Variants in ARAF observed in about 807,000 individuals in gnomAD.
ARAF encodes serine/threonine-protein kinase A-Raf.
Under a neutral mutation model 48.0 loss-of-function variants are expected in ARAF, and 18 were observed. The ratio of observed to expected loss-of-function variants is 0.37; its 90% CI spans 0.26 to 0.56. The LOEUF (loss-of-function observed/expected upper bound fraction) is 0.56, where lower values mean the gene tolerates loss of function less well. Among genes scored for constraint, ARAF ranks in the 20% least tolerant of loss-of-function variants. ARAF has a pLI of 0.77. For synonymous variants in ARAF, 207 were observed against 220.1 expected (o/e 0.94, Z 0.53); for missense variants, 389 against 543.1 (o/e 0.72, Z 2.82).
At position 47,563,342 on chromosome X, in the gene ARAF, G is replaced by T. The variant is rs1366670322; in HGVS notation, c.200+13G>T. 1 of 1,167,606 alleles carries T rather than the reference G, an allele frequency of 8.6e-7. No homozygotes were observed. The highest frequency in any genetic ancestry group is 1.8e-5 in the African/African-American group (1 of 56,387). On this transcript the variant is annotated intron_variant, in intron 3 of 15. Coordinates refer to ENST00000377045, the MANE Select transcript of ARAF (RefSeq NM_001654.5). ...GACTCATCAAGGGGTGAGTGTGGCA[G>T]CCCCACGCCCACCCACTGGGTGTCC...
chrX:47,567,894 A>G (rs1343493516), intron 10 of ARAF, among the ~76,000 whole-genome samples: 1 of 111,627 alleles, frequency 9.0e-6, no homozygotes, highest in Non-Finnish European at 1.9e-5. Flanking sequence ...CTTAATTATT[A>G]TAATTGCTGT....
In ARAF at chrX:47,566,699, C is replaced by T. The variant is rs149635355; in HGVS notation, c.618C>T (p.Pro206=). 9.2e-6 allele frequency: 11 copies of T among 1,201,325 alleles called. No individual in the cohort carries two copies. In the African/African-American group the frequency reaches 1.4e-4, roughly 15 times the overall value. Reference sequence around the variant, plus strand: ...CCTTCCCTGCCCCAGCCAATGCCCCCCTACAGCGCATCCGCTCCACGTCCA... The same window carrying T: ...CCTTCCCTGCCCCAGCCAATGCCCCTCTACAGCGCATCCGCTCCACGTCCA... The part of the protein sequence containing the change: ...HFPFPAPANA[P]LQRIRSTSTP... The change falls in exon 7 of 16, where the codon CCC becomes CCT. Residue 206 remains proline (P), a synonymous_variant. Coordinates refer to ENST00000377045, the MANE Select transcript of ARAF (RefSeq NM_001654.5).
Position 47,571,531 on chromosome X carries a change from T to C in ARAF, c.*74T>C. ...AGCCTTGCCCACCAGCCAATCAATGTTCGTCTCTGCCCTGATGCTGCCTCA... is the reference window on the plus strand; with the variant it reads ...AGCCTTGCCCACCAGCCAATCAATGCTCGTCTCTGCCCTGATGCTGCCTCA... On this transcript the variant is annotated 3_prime_UTR_variant, in exon 16 of 16. Coordinates refer to ENST00000377045, the MANE Select transcript of ARAF (RefSeq NM_001654.5). The C allele has an allele frequency of 8.9e-7, 1 of 1,128,596 alleles. No individual in the cohort carries two copies. Among genetic ancestry groups the C allele is most frequent in the Non-Finnish European group, 1.2e-6 (1 of 850,625 alleles). The allele number at this position is 1,128,596 out of a possible 1,213,427, so 93.0% of individuals were successfully genotyped here.
rs1222968497 is a variant in ARAF at position 47,566,946 on chromosome X, G to C, written c.727+35G>C. The C allele has an allele frequency of 2.5e-6, 3 of 1,209,403 alleles. No individual in the cohort carries two copies. The East Asian group carries it at 8.9e-5, about 36-fold the overall frequency. On this transcript the variant is annotated intron_variant, in intron 8 of 15. Transcript: ENST00000377045. ...CTGTGCCTGCACCCTGACCCCCGCTGCCCCACTTACCTCCACTCACATCCT... is the reference window on the plus strand; with the variant it reads ...CTGTGCCTGCACCCTGACCCCCGCTCCCCCACTTACCTCCACTCACATCCT...
intron 6 of ARAF, chrX:47,565,572 A>G: frequency 2.0e-6 from 1 of 489,507 alleles, no homozygotes; most frequent in Non-Finnish European, 3.1e-6. Context: ...TTTCTACCAT[A>G]TAAAGGTTCT....
Position 47,566,613 on chromosome X carries a change from T to C in ARAF, c.558-26T>C, listed in dbSNP as rs762815942. On this transcript the variant is annotated intron_variant, in intron 6 of 15. Coordinates refer to ENST00000377045, the MANE Select transcript of ARAF (RefSeq NM_001654.5). ...TTCTCGGTTCTCTGATTCCTGGCAG[T>C]GATTTCACAGCCTTTCCCCTGGCAG... 7.7e-5 allele frequency: 88 copies of C among 1,137,187 alleles called. No individual in the cohort carries two copies. The Admixed American group carries it at 2.5e-3, about 33-fold the overall frequency. 93.7% of individuals were successfully genotyped at this position (1,137,187 alleles called of 1,213,427 possible). A position where few individuals can be genotyped will look rare whatever the true frequency, so the allele number is the denominator to read the frequency against.
intron 1 of ARAF, among the ~76,000 whole-genome samples, 190 bp downstream of exon 1, chrX:47,561,441 G>C (rs2057707524): frequency 8.9e-6 from 1 of 112,279 alleles, no homozygotes; most frequent in African/African-American, 3.2e-5. Context: ...AACAGGAATA[G>C]GCGGGCAAGG....
chrX:47,567,575 G>T, intron 10 of ARAF, 143 bp downstream of exon 10: 1 of 660,707 alleles, frequency 1.5e-6, no homozygotes, highest in East Asian at 3.5e-5. Context: ...CTCTCTGAAG[G>T]GTGTCCCTTT....
At chrX:47,565,171 G>T (rs2147904209) in intron 5 of ARAF, 32 bp downstream of exon 5, 1 of 1,209,320 alleles carries the variant, frequency 8.3e-7, no homozygotes, top group Non-Finnish European at 1.1e-6. Flanking sequence ...TGGGGGGATG[G>T]GGAGCACAGA....
Position 47,571,628 on chromosome X carries a change from G to A in ARAF, c.*171G>A, listed in dbSNP as rs1187057602. 17 of 708,185 alleles carry A rather than the reference G, an allele frequency of 2.4e-5. No homozygotes were observed. The highest frequency in any genetic ancestry group is 3.2e-5 in the Non-Finnish European group (16 of 506,614). 58.4% of individuals were successfully genotyped at this position (708,185 alleles called of 1,213,427 possible). ...TTTTCCAGTTCTTCTGGAATTGGGG[G>A]ACCCCCGCCAAAGACTGAGCCCCCT... On this transcript the variant is annotated 3_prime_UTR_variant, in exon 16 of 16. Coordinates refer to ENST00000377045, the MANE Select transcript of ARAF (RefSeq NM_001654.5).
intron 3 of ARAF, among the ~76,000 whole-genome samples, chrX:47,563,690 A>T (rs1331986932): frequency 8.9e-6 from 1 of 112,501 alleles, no homozygotes; most frequent in Non-Finnish European, 1.9e-5. Context: ...ACAATTCCAA[A>T]GATGGAAGAT....
intron 12 of ARAF, 64 bp from the exon 13 acceptor site, chrX:47,569,475 C>T: frequency 1.0e-6 from 1 of 983,433 alleles, no homozygotes; most frequent in Non-Finnish European, 1.4e-6. Flanking sequence ...CCAATGGGAA[C>T]CTCCCAGGCA....
rs2057759773 is a variant in ARAF at position 47,571,793 on chromosome X, C to A, written c.*336C>A. The A allele has an allele frequency of 4.2e-6, 1 of 240,868 alleles. No homozygotes were observed. The highest frequency in any genetic ancestry group is 6.9e-5 in the Admixed American group (1 of 14,549). 19.9% of individuals were successfully genotyped at this position (240,868 alleles called of 1,213,427 possible). The stretch of plus-strand genomic sequence containing the variant: ...GAATTTGTGCCTGATGTGCCTTCCA[C>A]TGGATTTTGGGGTTCCCAGCACCCC... On this transcript the variant is annotated 3_prime_UTR_variant, in exon 16 of 16. Transcript: ENST00000377045.
intron 15 of ARAF, 112 bp from the exon 16 acceptor site, chrX:47,571,211 G>A: frequency 1.2e-6 from 1 of 831,638 alleles, no homozygotes; most frequent in Non-Finnish European, 1.6e-6. Context: ...TGGGACTGTT[G>A]GGTGTGTGTG....
At chrX:47,569,872 G>T (rs1031173338) in intron 13 of ARAF, 21 bp from the exon 14 acceptor site, 3 of 1,199,547 alleles carry the variant, frequency 2.5e-6, no homozygotes, top group Admixed American at 4.5e-5. Context: ...TGGTCCCCCT[G>T]CCTGGTCTGG....
At chrX:47,565,541 G>A in intron 6 of ARAF, 191 bp downstream of exon 6, 1 of 642,396 alleles carries the variant, frequency 1.6e-6, no homozygotes, top group Non-Finnish European at 2.2e-6. Context: ...TTTCTCATCT[G>A]TAAAGAGGGG....
In ARAF at chrX:47,571,566, A is replaced by G. The variant is rs1177749137; in HGVS notation, c.*109A>G. On this transcript the variant is annotated 3_prime_UTR_variant, in exon 16 of 16. Coordinates refer to ENST00000377045, the MANE Select transcript of ARAF (RefSeq NM_001654.5). ...CCCTGATGCTGCCTCAGGATCCCCC[A>G]TTCCCCACCCTGGGAGATGAGGGGG... 1 of 1,026,394 alleles carries G rather than the reference A, an allele frequency of 9.7e-7. No individual in the cohort carries two copies. The highest frequency in any genetic ancestry group is 1.3e-6 in the Non-Finnish European group (1 of 784,479). 84.6% of individuals were successfully genotyped at this position (1,026,394 alleles called of 1,213,427 possible).
In ARAF at chrX:47,571,474, C is replaced by A; in HGVS notation, c.*17C>A. ...GTGCCTTAGGCCCCGCCCAAGCCAC[C>A]AGGGAGCCAATCTCAGCCCTCCACG... On this transcript the variant is annotated 3_prime_UTR_variant, in exon 16 of 16. Coordinates refer to ENST00000377045, the MANE Select transcript of ARAF (RefSeq NM_001654.5). The A allele has an allele frequency of 8.4e-7, 1 of 1,196,605 alleles. No individual in the cohort carries two copies. Among genetic ancestry groups the A allele is most frequent in the East Asian group, 3.0e-5 (1 of 33,406 alleles).
At position 47,568,907 on chromosome X, in the gene ARAF, G is replaced by T. The variant is rs1259718896; in HGVS notation, c.1253+13G>T. The stretch of plus-strand genomic sequence containing the variant: ...CCCAGGGCATGGAGTGAGCCTCCCA[G>T]CCTGGGGAGGGGTGGGGGGAAAGGG... On this transcript the variant is annotated intron_variant, in intron 11 of 15. Coordinates refer to ENST00000377045, the MANE Select transcript of ARAF (RefSeq NM_001654.5). 5 of 1,205,902 alleles carry T rather than the reference G, an allele frequency of 4.1e-6. No homozygotes were observed. The South Asian group carries it at 7.2e-5, about 17-fold the overall frequency.
Sources: gnomAD v4.1 joint callset for allele counts (sites outside exome capture counted in the v4.1 genomes callset) on GRCh38, gnomAD v4.1.1 for gene constraint, MANE v1.5 for transcripts, NCBI Gene and HGNC (gene_info 2026-07-23, HGNC 2026-07-21) for gene names.